USP9X: variants seen among roughly 807,000 people sequenced by gnomAD.
USP9X encodes ubiquitin specific peptidase 9 X-linked.
A neutral mutation model predicts 190.3 loss-of-function variants in USP9X; 7 were observed. The observed-to-expected ratio is 0.04, with a 90% CI of 0.02 to 0.07. The LOEUF (loss-of-function observed/expected upper bound fraction) is 0.07. USP9X is among the 10% of genes least tolerant of loss of function. The pLI is 1.00. For missense variants in USP9X, 1,010 were observed against 1,916.9 expected, an observed-to-expected ratio of 0.53 and a Z score of 8.83; for synonymous variants, 645 against 659.5, an observed-to-expected ratio of 0.98 and a Z score of 0.34.
In USP9X at chrX:41,197,456, T is replaced by G. The variant is rs774897012; in HGVS notation, c.4326T>G (p.Thr1442=). The G allele has an allele frequency of 8.4e-7, 1 of 1,193,696 alleles. No individual in the cohort carries two copies. The highest frequency in any genetic ancestry group is 1.1e-6 in the Non-Finnish European group (1 of 885,183). ...GVTKELLAFQ[T]SEKKFHIGCE... is the part of the protein sequence containing the mutation. The stretch of plus-strand genomic sequence containing the variant: ...CAAAGGAGTTACTGGCCTTTCAAAC[T>G]TCTGAGAAAAAATTTCATATTGGTT... Residue 1442 remains threonine (T), a synonymous_variant, in exon 29 of 45, where the codon ACT becomes ACG. Transcript: ENST00000378308.
At chrX:41,185,938 G>GTA (rs1284495566) in intron 23 of USP9X, among the ~76,000 whole-genome samples, 27 of 109,876 alleles carry the variant, frequency 2.5e-4, no homozygotes, top group Non-Finnish European at 2.7e-4. Flanking sequence ...AATATTTACA[G>GTA]TATATATATA....
intron 21 of USP9X, among the ~76,000 whole-genome samples, chrX:41,182,709 A>G (rs552624849): frequency 5.9e-4 from 65 of 110,978 alleles, no homozygotes; most frequent in African/African-American, 1.7e-3. Flanking sequence ...TGGTAAAATA[A>G]TATTGTCATT....
chrX:41,231,594 G>A (rs1218651874), intron 44 of USP9X, among the ~76,000 whole-genome samples: 1 of 109,729 alleles, frequency 9.1e-6, no homozygotes, highest in Admixed American at 9.8e-5. Flanking sequence ...GGGTATGGTG[G>A]TGGCGCATGC....
At chrX:41,220,400 C>T (rs1428786072) in intron 38 of USP9X, among the ~76,000 whole-genome samples, 1 of 112,136 alleles carries the variant, frequency 8.9e-6, no homozygotes, top group Non-Finnish European at 1.9e-5. Context: ...ACTGTAGGGC[C>T]TGTAAACCTT....
intron 38 of USP9X, among the ~76,000 whole-genome samples, chrX:41,222,860 T>G (rs2063276791): frequency 9.0e-6 from 1 of 111,441 alleles, no homozygotes; most frequent in Non-Finnish European, 1.9e-5. Context: ...TGCAGTGAGC[T>G]GAGATCATGC....
intron 33 of USP9X, among the ~76,000 whole-genome samples, chrX:41,211,573 G>A (rs1292269755): frequency 5.3e-5 from 6 of 113,464 alleles, no homozygotes; most frequent in Non-Finnish European, 9.4e-5. Context: ...ACCCCCGTCC[G>A]GGAGGTGAGG....
At chrX:41,106,260 T>A (rs918197792) in intron 1 of USP9X, among the ~76,000 whole-genome samples, 9 of 111,648 alleles carry the variant, frequency 8.1e-5, no homozygotes, top group African/African-American at 2.9e-4. Flanking sequence ...TTCTATAGTT[T>A]TTTTATCTTA....
intron 33 of USP9X, among the ~76,000 whole-genome samples, chrX:41,211,500 G>A (rs986798985): frequency 3.5e-5 from 4 of 113,227 alleles, no homozygotes; most frequent in African/African-American, 1.3e-4. Context: ...ATTGATTATT[G>A]TCATTATCTT....
At chrX:41,199,127 T>C (rs2063016104) in intron 30 of USP9X, among the ~76,000 whole-genome samples, 1 of 109,958 alleles carries the variant, frequency 9.1e-6, no homozygotes, top group Admixed American at 9.7e-5. Flanking sequence ...GAGGTTGCAG[T>C]GAGCCGAGAT....
chrX:41,181,883 G>A (rs2062830386), intron 21 of USP9X, among the ~76,000 whole-genome samples: 1 of 111,546 alleles, frequency 9.0e-6, no homozygotes, highest in African/African-American at 3.3e-5. Flanking sequence ...CAAAAGGCTA[G>A]AAAGAAACCA....
At chrX:41,165,806 A>G (rs917712787) in intron 15 of USP9X, 66 bp from the exon 16 acceptor site, 20 of 930,872 alleles carry the variant, frequency 2.1e-5, no homozygotes, top group Non-Finnish European at 2.9e-5. Flanking sequence ...TTTATAGGTA[A>G]TACAGATTGC....
chrX:41,230,593 A>G lies in USP9X; in HGVS notation c.7524A>G (p.Gln2508=), dbSNP rs1329180154. 5 of 1,198,236 alleles carry G rather than the reference A, an allele frequency of 4.2e-6. No individual in the cohort carries two copies. Among genetic ancestry groups the G allele is most frequent in the Admixed American group, 4.4e-5 (2 of 45,020 alleles). ...CCCATTCACCTGGATCTCAGTATCA[A>G]CAGGTAAACAGGAGTCAGTTTATGC... ...LYPHSPGSQY[Q]QNNHVHGQPY... Residue 2508 remains glutamine (Q), a synonymous_variant, in exon 44 of 45, where the codon CAA becomes CAG. Coordinates refer to ENST00000378308, the MANE Select transcript of USP9X (RefSeq NM_001039591.3).
intron 1 of USP9X, among the ~76,000 whole-genome samples, chrX:41,095,996 C>T (rs2061988134): frequency 8.9e-6 from 1 of 112,085 alleles, no homozygotes; most frequent in African/African-American, 3.3e-5. Flanking sequence ...GAATGGAGTA[C>T]TGAGCTAAAA....
chrX:41,182,854 T>C (rs1430938952), intron 21 of USP9X, among the ~76,000 whole-genome samples: 1 of 111,281 alleles, frequency 9.0e-6, no homozygotes, highest in Non-Finnish European at 1.9e-5. Context: ...GAAGTGACAG[T>C]TTCAACACAA....
At chrX:41,187,424 C>G (rs1172940549) in intron 24 of USP9X, among the ~76,000 whole-genome samples, 1 of 112,173 alleles carries the variant, frequency 8.9e-6, no homozygotes, top group African/African-American at 3.2e-5. Flanking sequence ...TATGAATATT[C>G]CACATTTTGT....
intron 1 of USP9X, among the ~76,000 whole-genome samples, chrX:41,104,746 T>G (rs1410380140): frequency 9.0e-6 from 1 of 111,332 alleles, no homozygotes; most frequent in African/African-American, 3.3e-5. Context: ...CATTCTCCTA[T>G]TAAAGCTTTT....
In USP9X at chrX:41,229,781, T is replaced by G. The variant is rs770734879; in HGVS notation, c.7431+2T>G. On this transcript the variant is annotated splice_donor_variant, in intron 43 of 44. Coordinates refer to ENST00000378308, the MANE Select transcript of USP9X (RefSeq NM_001039591.3). LOFTEE classifies it high-confidence loss of function. ...GCTTGTGAACTCTGTCCAGAGGAGGTAAAAAAAGCCACCAGTGTGCAGCAG... is the reference window on the plus strand; with the variant it reads ...GCTTGTGAACTCTGTCCAGAGGAGGGAAAAAAAGCCACCAGTGTGCAGCAG... 1 of 1,210,024 alleles carries G rather than the reference T, an allele frequency of 8.3e-7. No homozygotes were observed.
At chrX:41,158,346 T>G in intron 14 of USP9X, among the ~76,000 whole-genome samples, 1 of 111,404 alleles carries the variant, frequency 9.0e-6, no homozygotes, top group South Asian at 3.8e-4. Flanking sequence ...AAACGAGTCT[T>G]CCTGCACAAG....
chrX:41,136,937 C>T lies in USP9X; in HGVS notation c.569C>T (p.Thr190Ile). ...TGCAAATTCCATATCTACAATGGTA[C>T]ACGTCCATGTGAATCAGTTTCCTCA... is the stretch of plus-strand genomic sequence containing the variant. ...PHCKFHIYNG[T>I]RPCESVSSSV... Residue 190 changes from threonine (T) to isoleucine (I), a missense_variant, in exon 6 of 45, where the codon ACA becomes ATA. By Grantham distance (89) the Thr-to-Ile change is moderately conservative. This residue lies in a region of USP9X where 176 missense variants were observed against 247.5 expected (regional missense o/e 0.71). Transcript: ENST00000378308. 1 of 1,211,316 alleles carries T rather than the reference C, an allele frequency of 8.3e-7. No individual in the cohort carries two copies. Among genetic ancestry groups the T allele is most frequent in the Non-Finnish European group, 1.1e-6 (1 of 895,072 alleles).
Sources: gnomAD v4.1 joint callset for allele counts (sites outside exome capture counted in the v4.1 genomes callset) on GRCh38, gnomAD v4.1.1 for gene constraint, gnomAD v4.1.1 regional missense constraint, MANE v1.5 for transcripts, NCBI Gene and HGNC (gene_info 2026-07-23, HGNC 2026-07-21) for gene names.